Variants in SEMA6D observed in about 807,000 individuals in gnomAD.
SEMA6D encodes the protein semaphorin-6D.
SEMA6D carries 35 observed loss-of-function variants against 106.6 expected under a neutral mutation model. The observed-to-expected ratio is 0.33, with a 90% CI of 0.25 to 0.44. SEMA6D has a LOEUF of 0.44. Ranked by LOEUF, SEMA6D falls within the 20% of genes least tolerant of loss-of-function variation. The probability of loss-of-function intolerance (pLI) is 1.00; values close to 1 mark genes in which losing one functional copy is unlikely to be tolerated. For missense variants in SEMA6D, 1,185 were observed against 1,345.9 expected, an observed-to-expected ratio of 0.88 and a Z score of 1.87; for synonymous variants, 499 against 487.7, an observed-to-expected ratio of 1.02 and a Z score of -0.31.
chr15:47,634,976 G>C (rs1217696493), intron 4 of SEMA6D, among the ~76,000 whole-genome samples: 1 of 152,162 alleles, frequency 6.6e-6, no homozygotes, highest in East Asian at 1.9e-4. Context: ...GTTTTGGCTA[G>C]GAGAACAGAC....
At chr15:47,740,278 TGGGAGGCTGA>T (rs1024144179) in intron 1 of SEMA6D, among the ~76,000 whole-genome samples, 4 of 152,128 alleles carry the variant, frequency 2.6e-5, no homozygotes, top group African/African-American at 9.7e-5. Flanking sequence ...CCCAGCACTT[TGGGAGGCTGA>T]GGTGGGCAGA....
intron 1 of SEMA6D, among the ~76,000 whole-genome samples, chr15:47,234,454 A>G (rs1357607264): frequency 6.6e-6 from 1 of 151,964 alleles, no homozygotes; most frequent in Non-Finnish European, 1.5e-5. Flanking sequence ...TGAGCAGGGT[A>G]CATTGTACTC....
intron 3 of SEMA6D, among the ~76,000 whole-genome samples, chr15:47,507,915 T>G (rs2044101786): frequency 6.6e-6 from 1 of 152,234 alleles, no homozygotes; most frequent in South Asian, 2.1e-4. Context: ...GGGCTACAGA[T>G]GGCAAGTGAC....
chr15:47,535,482 G>T (rs1410036141), intron 3 of SEMA6D, among the ~76,000 whole-genome samples: 1 of 152,082 alleles, frequency 6.6e-6, no homozygotes, highest in East Asian at 1.9e-4. Context: ...CTAAAATGGG[G>T]CAGTGGATCT....
chr15:47,509,719 T>A (rs2044165421), intron 3 of SEMA6D, among the ~76,000 whole-genome samples: 1 of 152,234 alleles, frequency 6.6e-6, no homozygotes, highest in Admixed American at 6.5e-5. Flanking sequence ...ATGCTGTTTA[T>A]TATTTCAGGC....
At chr15:47,239,381 A>G (rs1328045657) in intron 1 of SEMA6D, among the ~76,000 whole-genome samples, 1 of 152,196 alleles carries the variant, frequency 6.6e-6, no homozygotes, top group African/African-American at 2.4e-5. Context: ...AATGTAATGC[A>G]CTTGAATAAT....
chr15:47,634,780 C>T (rs1228828801), intron 4 of SEMA6D, among the ~76,000 whole-genome samples: 1 of 150,064 alleles, frequency 6.7e-6, no homozygotes, highest in Non-Finnish European at 1.5e-5. Flanking sequence ...CCATGGACAG[C>T]ACCATAGTGA....
chr15:47,568,719 A>G (rs2046299284), intron 3 of SEMA6D, among the ~76,000 whole-genome samples: 1 of 152,158 alleles, frequency 6.6e-6, no homozygotes. Flanking sequence ...AAAAATCAAC[A>G]AAAATAGGCA....
At chr15:47,763,788 A>G (rs1231666677) in intron 9 of SEMA6D, 62 bp from the exon 10 acceptor site, 12 of 1,423,414 alleles carry the variant, frequency 8.4e-6, no homozygotes, top group Non-Finnish European at 1.2e-5. Flanking sequence ...AAACAGTATC[A>G]TTTTGTTTCC....
At chr15:47,766,492 T>G (rs979145338) in intron 15 of SEMA6D, 124 bp from the exon 16 acceptor site, 11 of 660,048 alleles carry the variant, frequency 1.7e-5, no homozygotes, top group Admixed American at 7.1e-5. Flanking sequence ...AAAATGTTGT[T>G]TTTTTTTTTT....
intron 4 of SEMA6D, among the ~76,000 whole-genome samples, chr15:47,700,043 A>G (rs1232281113): frequency 6.6e-6 from 1 of 152,242 alleles, no homozygotes; most frequent in Non-Finnish European, 1.5e-5. Context: ...GCATCCCACA[A>G]AATGAAATAC....
At chr15:47,438,901 C>A (rs913158049) in intron 2 of SEMA6D, among the ~76,000 whole-genome samples, 2 of 151,992 alleles carry the variant, frequency 1.3e-5, no homozygotes, top group African/African-American at 4.8e-5. Context: ...GATGCACAAT[C>A]AATATTTAGT....
chr15:47,462,370 T>C (rs1428053905), intron 2 of SEMA6D, among the ~76,000 whole-genome samples: 1 of 152,134 alleles, frequency 6.6e-6, no homozygotes, highest in African/African-American at 2.4e-5. Context: ...AAGCACTACA[T>C]ATGTTGCCTC....
chr15:47,646,966 T>G (rs2077593051), intron 4 of SEMA6D, among the ~76,000 whole-genome samples: 1 of 152,182 alleles, frequency 6.6e-6, no homozygotes, highest in South Asian at 2.1e-4. Flanking sequence ...ATAACTGTGG[T>G]TAATTGTGCA....
chr15:47,764,546 T>C, intron 11 of SEMA6D, 92 bp from the exon 12 acceptor site: 2 of 1,540,130 alleles, frequency 1.3e-6, no homozygotes, highest in Non-Finnish European at 1.8e-6. Flanking sequence ...TCACTTGACC[T>C]CTTCTCTGAG....
intron 1 of SEMA6D, among the ~76,000 whole-genome samples, chr15:47,203,193 G>A (rs961248653): frequency 1.3e-5 from 2 of 152,064 alleles, no homozygotes; most frequent in Non-Finnish European, 2.9e-5. Flanking sequence ...GACATGTTGA[G>A]AGGTCTTAGA....
chr15:47,476,978 G>C (rs959294708), intron 3 of SEMA6D, among the ~76,000 whole-genome samples: 1 of 152,166 alleles, frequency 6.6e-6, no homozygotes, highest in African/African-American at 2.4e-5. Flanking sequence ...CTTATGAAAA[G>C]TCCGTGGTGT....
intron 3 of SEMA6D, among the ~76,000 whole-genome samples, chr15:47,579,157 T>C (rs1031107227): frequency 1.4e-5 from 2 of 143,938 alleles, no homozygotes; most frequent in African/African-American, 2.7e-5. Flanking sequence ...TTTTTTTTTT[T>C]TTGAGACAGA....
chr15:47,221,801 C>T (rs905898523), intron 1 of SEMA6D, among the ~76,000 whole-genome samples: 3 of 152,132 alleles, frequency 2.0e-5, no homozygotes, highest in Non-Finnish European at 4.4e-5. Flanking sequence ...TGTTAGATCA[C>T]ATTATTTAAA....
Sources: allele counts gnomAD v4.1 joint callset (sites outside exome capture counted in the v4.1 genomes callset), GRCh38; gene constraint gnomAD v4.1.1; transcripts MANE v1.5; gene names NCBI Gene and HGNC (gene_info 2026-07-23, HGNC 2026-07-21).